Variants in AUTS2 observed in about 807,000 individuals in gnomAD.
The protein encoded by AUTS2 is activator of transcription and developmental regulator AUTS2, also known as autism susceptibility gene 2 protein.
Under a neutral mutation model 112.4 loss-of-function variants are expected in AUTS2, and 17 were observed. That is an observed-to-expected ratio of 0.15 (90% CI 0.10 to 0.23). The LOEUF is 0.23. Ranked by LOEUF, AUTS2 falls within the 10% of genes least tolerant of loss-of-function variation. The pLI, the probability that AUTS2 is intolerant of heterozygous loss-of-function variation, is 1.00. For synonymous variants in AUTS2, 751 were observed against 702.7 expected (o/e 1.07, Z -1.09); for missense variants, 1,510 against 1,701.6 (o/e 0.89, Z 1.98).
rs187309783 is a variant in AUTS2 at position 70,284,854 on chromosome 7, G to C, written c.660+150283G>C. 5.5e-3 allele frequency among the ~76,000 whole-genome samples: 844 copies of C among 152,304 alleles called. 5 individuals are homozygous for C. Among genetic ancestry groups the C allele is most frequent in the Non-Finnish European group, 7.5e-3 (508 of 68,024 alleles). ...GAAAGCCAGGGAAGATCCCTCCAGA[G>C]GTCCAGGATTGTTCTGAGGAATACT... On this transcript the variant is annotated intron_variant, in intron 4 of 18. Coordinates refer to ENST00000342771, the MANE Select transcript of AUTS2 (RefSeq NM_015570.4).
At chr7:69,612,626 A>G (rs1201939723) in intron 1 of AUTS2, among the ~76,000 whole-genome samples, 3 of 151,850 alleles carry the variant, frequency 2.0e-5, no homozygotes, top group African/African-American at 7.3e-5. Flanking sequence ...CGCCTGGCTA[A>G]TTTATTATTT....
chr7:69,916,164 G>A (rs888997152), intron 2 of AUTS2, among the ~76,000 whole-genome samples: 1 of 152,118 alleles, frequency 6.6e-6, no homozygotes, highest in African/African-American at 2.4e-5. Context: ...TTTATAAACT[G>A]CTTTTTTGTT....
chr7:70,590,669 A>G (rs1802900161), intron 5 of AUTS2, among the ~76,000 whole-genome samples: 1 of 152,222 alleles, frequency 6.6e-6, no homozygotes, highest in Non-Finnish European at 1.5e-5. Flanking sequence ...CCTGGTGCCT[A>G]AACACATGAA....
intron 2 of AUTS2, among the ~76,000 whole-genome samples, chr7:70,097,103 G>C (rs2129568758): frequency 6.6e-6 from 1 of 152,218 alleles, no homozygotes. Flanking sequence ...AAGGTGCTAT[G>C]GTTCAAATAC....
intron 4 of AUTS2, among the ~76,000 whole-genome samples, chr7:70,318,309 G>A (rs1000975495): frequency 6.6e-6 from 1 of 152,104 alleles, no homozygotes; most frequent in Non-Finnish European, 1.5e-5. Context: ...AGGCCAGTGT[G>A]AGGAGCAAGG....
chr7:70,386,042 T>G (rs929228247), intron 4 of AUTS2, among the ~76,000 whole-genome samples: 3 of 152,232 alleles, frequency 2.0e-5, no homozygotes, highest in East Asian at 1.9e-4. Flanking sequence ...AGCCTGGGAT[T>G]ATACTTTGAA....
intron 1 of AUTS2, among the ~76,000 whole-genome samples, chr7:69,758,090 A>G (rs1160006614): frequency 1.3e-5 from 2 of 152,220 alleles, no homozygotes; most frequent in Non-Finnish European, 2.9e-5. Flanking sequence ...CCCAGGGACC[A>G]GTTGAGAAAT....
At chr7:69,908,762 T>A (rs1057034165) in intron 2 of AUTS2, among the ~76,000 whole-genome samples, 8 of 152,222 alleles carry the variant, frequency 5.3e-5, no homozygotes, top group African/African-American at 1.9e-4. Flanking sequence ...CCTGGACAGG[T>A]CCTAATTGCT....
intron 1 of AUTS2, among the ~76,000 whole-genome samples, chr7:69,679,681 CTG>C (rs1334277965): frequency 1.3e-5 from 2 of 152,144 alleles, no homozygotes; most frequent in Non-Finnish European, 1.5e-5. Context: ...AAAGAGAAGA[CTG>C]TGTGTACTTT....
At chr7:70,237,223 T>C (rs1345945533) in intron 4 of AUTS2, among the ~76,000 whole-genome samples, 1 of 152,210 alleles carries the variant, frequency 6.6e-6, no homozygotes, top group Non-Finnish European at 1.5e-5. Flanking sequence ...CAAAGTCTCA[T>C]ATGTAAGTAG....
intron 2 of AUTS2, among the ~76,000 whole-genome samples, chr7:70,070,129 G>A (rs971509176): frequency 1.3e-5 from 2 of 152,060 alleles, no homozygotes; most frequent in Admixed American, 1.3e-4. Context: ...TTCGTTTCAT[G>A]TTTTCTGGTA....
chr7:70,252,771 GAAGT>G (rs1213440443), intron 4 of AUTS2, among the ~76,000 whole-genome samples: 6 of 152,132 alleles, frequency 3.9e-5, no homozygotes, highest in African/African-American at 7.2e-5. Flanking sequence ...TAAAAGGTGT[GAAGT>G]AAGCATCCAG....
intron 4 of AUTS2, among the ~76,000 whole-genome samples, chr7:70,349,347 A>G (rs1342707760): frequency 7.4e-6 from 1 of 135,618 alleles, no homozygotes; most frequent in Non-Finnish European, 1.6e-5. Context: ...GATTAAAGTA[A>G]AACCAGGATT....
chr7:70,615,347 G>A (rs1211443256), intron 5 of AUTS2, among the ~76,000 whole-genome samples: 2 of 152,116 alleles, frequency 1.3e-5, no homozygotes, highest in African/African-American at 4.8e-5. Flanking sequence ...TGCTCAGGTG[G>A]ACCTTCCAGC....
intron 4 of AUTS2, among the ~76,000 whole-genome samples, chr7:70,225,078 T>G (rs1454439084): frequency 6.6e-6 from 1 of 152,218 alleles, no homozygotes; most frequent in African/African-American, 2.4e-5. Context: ...GTCTTCCTTG[T>G]TAATTGAAAC....
At chr7:69,755,186 C>T (rs1368866598) in intron 1 of AUTS2, among the ~76,000 whole-genome samples, 1 of 152,120 alleles carries the variant, frequency 6.6e-6, no homozygotes. Flanking sequence ...TTATCGAGAA[C>T]AAGAATTTTC....
At chr7:70,203,039 CT>C (rs1328397604) in intron 4 of AUTS2, among the ~76,000 whole-genome samples, 8 of 143,630 alleles carry the variant, frequency 5.6e-5, no homozygotes, top group African/African-American at 2.1e-4. Flanking sequence ...AGTTCATATC[CT>C]TTGTAGGGAC....
In AUTS2 at chr7:70,114,915, A is replaced by T. The variant is rs76368472; in HGVS notation, c.523-3217A>T. 3.7e-3 allele frequency among the ~76,000 whole-genome samples: 562 copies of T among 152,330 alleles called. 5 individuals are homozygous for T. The highest frequency in any genetic ancestry group is 0.013 in the African/African-American group (539 of 41,580). On this transcript the variant is annotated intron_variant, in intron 2 of 18. Transcript: ENST00000342771. ...ACTGTAGTCAGTTCATTTCTTTGAA[A>T]TATTGAGCTGTCTGACAGCTTAAAA... is the stretch of plus-strand genomic sequence containing the variant.
chr7:69,941,160 G>T (rs1026533188), intron 2 of AUTS2, among the ~76,000 whole-genome samples: 1 of 152,134 alleles, frequency 6.6e-6, no homozygotes, highest in African/African-American at 2.4e-5. Flanking sequence ...CGACCCTCTC[G>T]ATGTGGTACC....
Sources: allele counts gnomAD v4.1 joint callset (sites outside exome capture counted in the v4.1 genomes callset), GRCh38; gene constraint gnomAD v4.1.1; transcripts MANE v1.5; gene names NCBI Gene and HGNC (gene_info 2026-07-23, HGNC 2026-07-21).